Variants in DOK6 observed in about 807,000 individuals in gnomAD.
DOK6 encodes the protein docking protein 6.
DOK6 carries 22 observed loss-of-function variants against 44.0 expected under a neutral mutation model. The observed-to-expected ratio is 0.50, with a 90% CI of 0.36 to 0.71. The LOEUF (loss-of-function observed/expected upper bound fraction) is 0.71. DOK6 is among the 30% of genes least tolerant of loss of function. The pLI is 0.00. For synonymous variants in DOK6, 166 were observed against 145.5 expected (o/e 1.14, Z -1.01); for missense variants, 340 against 416.4 (o/e 0.82, Z 1.60).
At chr18:69,502,734 C>G (rs546493637) in intron 1 of DOK6, among the ~76,000 whole-genome samples, 1 of 151,926 alleles carries the variant, frequency 6.6e-6, no homozygotes, top group Non-Finnish European at 1.5e-5. Context: ...TGCTTGACCT[C>G]GAGATGCCAT....
chr18:69,822,027 T>C (rs1225354695), intron 7 of DOK6, among the ~76,000 whole-genome samples: 2 of 152,178 alleles, frequency 1.3e-5, no homozygotes, highest in East Asian at 1.9e-4. Flanking sequence ...TATTCACTCT[T>C]TCTTTCTCAT....
At chr18:69,410,258 G>A (rs1164533221) in intron 1 of DOK6, among the ~76,000 whole-genome samples, 1 of 152,220 alleles carries the variant, frequency 6.6e-6, no homozygotes, top group Non-Finnish European at 1.5e-5. Flanking sequence ...ACTGCATATA[G>A]GAGTGACCTG....
intron 1 of DOK6, among the ~76,000 whole-genome samples, chr18:69,509,202 A>C (rs1981278764): frequency 6.6e-6 from 1 of 152,130 alleles, no homozygotes. Context: ...AAAATTACCA[A>C]GTCCTGGTTC....
At chr18:69,471,589 T>TG (rs1321551727) in intron 1 of DOK6, 6 of 151,580 alleles carry the variant, frequency 4.0e-5, no homozygotes, top group Admixed American at 2.0e-4. Flanking sequence ...TTTTTTGTTT[T>TG]TTTTTTTTTG....
intron 3 of DOK6, among the ~76,000 whole-genome samples, chr18:69,634,095 T>A (rs4556893): frequency 4.6e-5 from 7 of 151,752 alleles, no homozygotes; most frequent in Non-Finnish European, 1.0e-4. Flanking sequence ...AATGGTTTCA[T>A]ATCCTCTCCT....
intron 3 of DOK6, among the ~76,000 whole-genome samples, chr18:69,617,973 G>T (rs1313164619): frequency 6.6e-6 from 1 of 152,130 alleles, no homozygotes; most frequent in East Asian, 1.9e-4. Flanking sequence ...TAAATACAAG[G>T]ACTGATATCT....
chr18:69,501,228 T>C (rs1981041318), intron 1 of DOK6, among the ~76,000 whole-genome samples: 2 of 152,162 alleles, frequency 1.3e-5, no homozygotes, highest in South Asian at 4.1e-4. Flanking sequence ...AATTTATCAT[T>C]ATCAGATGAT....
At chr18:69,837,587 G>C (rs1185632122) in intron 7 of DOK6, among the ~76,000 whole-genome samples, 1 of 149,942 alleles carries the variant, frequency 6.7e-6, no homozygotes, top group Non-Finnish European at 1.5e-5. Context: ...AAAAAAAAGT[G>C]CAAGAATATC....
intron 1 of DOK6, among the ~76,000 whole-genome samples, chr18:69,499,180 A>G (rs529378811): frequency 6.6e-6 from 1 of 152,252 alleles, no homozygotes; most frequent in African/African-American, 2.4e-5. Context: ...ATTTCTCTCC[A>G]TAATTTATGC....
At chr18:69,446,955 T>G (rs1215086515) in intron 1 of DOK6, among the ~76,000 whole-genome samples, 2 of 152,244 alleles carry the variant, frequency 1.3e-5, no homozygotes, top group Non-Finnish European at 2.9e-5. Flanking sequence ...TTCTGGATAT[T>G]AGCCCTTTGT....
chr18:69,762,318 GC>G (rs1169862651), intron 7 of DOK6, among the ~76,000 whole-genome samples: 1 of 152,250 alleles, frequency 6.6e-6, no homozygotes, highest in East Asian at 1.9e-4. Flanking sequence ...TGTAGCCTGG[GC>G]TAAACAGTAA....
In DOK6 at chr18:69,843,816, A is replaced by C. The variant is rs989740459; in HGVS notation, c.*2433A>C. ...CAAGTTTTTAACCAGATCTCGTCAC[A>C]ATGAGGAGAATGCTATAATCTATCT... On this transcript the variant is annotated 3_prime_UTR_variant, in exon 8 of 8. Transcript: ENST00000382713. 6.6e-5 allele frequency: 10 copies of C among 152,358 alleles called. No individual in the cohort carries two copies. Among genetic ancestry groups the C allele is most frequent in the Admixed American group, 4.6e-4 (7 of 15,310 alleles). The allele number at this position is 152,358 out of a possible 1,614,324, so 9.4% of individuals were successfully genotyped here. A position where few individuals can be genotyped will look rare whatever the true frequency, so the allele number is the denominator to read the frequency against.
intron 7 of DOK6, among the ~76,000 whole-genome samples, chr18:69,763,388 A>G (rs559333794): frequency 6.6e-6 from 1 of 152,340 alleles, no homozygotes; most frequent in East Asian, 1.9e-4. Flanking sequence ...AAATGTTTAT[A>G]TCACGCTCAT....
chr18:69,471,249 T>G (rs1391228216), intron 1 of DOK6, among the ~76,000 whole-genome samples: 1 of 8,386 alleles, frequency 1.2e-4, no homozygotes, highest in Non-Finnish European at 2.4e-4. Context: ...AAACTCCATC[T>G]CAAAAAAAAA....
chr18:69,433,606 G>A (rs1023688573), intron 1 of DOK6, among the ~76,000 whole-genome samples: 44 of 152,038 alleles, frequency 2.9e-4, no homozygotes, highest in African/African-American at 9.4e-4. Flanking sequence ...ATTCAGGACA[G>A]TGAGACTCAG....
intron 2 of DOK6, among the ~76,000 whole-genome samples, chr18:69,575,613 T>C (rs909964543): frequency 6.6e-6 from 1 of 152,206 alleles, no homozygotes; most frequent in East Asian, 1.9e-4. Context: ...GAAATGCTTT[T>C]AAAAATTGCA....
At chr18:69,675,812 T>C (rs1222115631) in intron 3 of DOK6, among the ~76,000 whole-genome samples, 1 of 152,218 alleles carries the variant, frequency 6.6e-6, no homozygotes, top group Non-Finnish European at 1.5e-5. Flanking sequence ...CTTGTATACA[T>C]TTTATAAATA....
At chr18:69,834,001 C>CA (rs1021760749) in intron 7 of DOK6, among the ~76,000 whole-genome samples, 17 of 152,078 alleles carry the variant, frequency 1.1e-4, no homozygotes, top group Non-Finnish European at 1.9e-4. Flanking sequence ...GGAGATTTCT[C>CA]AAAAAAACTA....
chr18:69,828,283 C>T (rs1981799708), intron 7 of DOK6, among the ~76,000 whole-genome samples: 1 of 151,700 alleles, frequency 6.6e-6, no homozygotes, highest in South Asian at 2.1e-4. Flanking sequence ...ATTCTCCAGT[C>T]TTTATATAAT....
Sources: gnomAD v4.1 joint callset for allele counts (sites outside exome capture counted in the v4.1 genomes callset) on GRCh38, gnomAD v4.1.1 for gene constraint, MANE v1.5 for transcripts, NCBI Gene and HGNC (gene_info 2026-07-23, HGNC 2026-07-21) for gene names.